PACRGL: variants seen among roughly 807,000 people sequenced by gnomAD.
The protein encoded by PACRGL is PACRG-like protein.
A neutral mutation model predicts 34.5 loss-of-function variants in PACRGL; 38 were observed. That is an observed-to-expected ratio of 1.10 (90% CI 0.85 to 1.44). The LOEUF (loss-of-function observed/expected upper bound fraction) is 1.44. PACRGL is among the 40% of genes most tolerant of loss of function. The probability of loss-of-function intolerance (pLI) is 0.00; values close to 1 mark genes in which losing one functional copy is unlikely to be tolerated. For synonymous variants in PACRGL, 128 were observed against 100.1 expected (o/e 1.28, Z -1.66); for missense variants, 305 against 281.4 (o/e 1.08, Z -0.60).
chr4:20,718,131 C>G lies in PACRGL; in HGVS notation c.609+4592C>G, dbSNP rs191892229. Reference sequence around the variant, plus strand: ...GGGAGTTCACTCATGATTTGGCTCTCTGTCTGTTATTGGTGTATAAGAATG... The same window carrying G: ...GGGAGTTCACTCATGATTTGGCTCTGTGTCTGTTATTGGTGTATAAGAATG... On this transcript the variant is annotated intron_variant, in intron 7 of 8. Transcript: ENST00000503585. 2.3e-3 allele frequency among the ~76,000 whole-genome samples: 353 copies of G among 151,590 alleles called. 8 individuals are homozygous for G. In the South Asian group the frequency reaches 0.047, roughly 20 times the overall value.
intron 7 of PACRGL, among the ~76,000 whole-genome samples, chr4:20,721,729 G>T (rs1369259540): frequency 6.6e-6 from 1 of 152,218 alleles, no homozygotes; most frequent in Non-Finnish European, 1.5e-5. Context: ...GTGTCAGTCT[G>T]CCCCTACTGG....
At chr4:20,752,954 T>A (rs573243943), downstream of PACRGL, 2 of 152,344 alleles carry the variant, frequency 1.3e-5, no homozygotes, top group South Asian at 2.1e-4. Flanking sequence ...TTAAAAGATA[T>A]AACAATGATC....
In PACRGL at chr4:20,729,772, G is replaced by A. The variant is rs986203126; in HGVS notation, c.*2431G>A. ...ACTGATATTTTAAAATCACTGATATGTGAAAGCCTCAATAATCCCATGGCT... is the reference window on the plus strand; with the variant it reads ...ACTGATATTTTAAAATCACTGATATATGAAAGCCTCAATAATCCCATGGCT... On this transcript the variant is annotated 3_prime_UTR_variant, in exon 9 of 9. Transcript: ENST00000503585. 4.0e-6 allele frequency: 1 copy of A among 252,882 alleles called. No homozygotes were observed. Among genetic ancestry groups the A allele is most frequent in the African/African-American group, 2.2e-5 (1 of 45,082 alleles). 15.7% of individuals were successfully genotyped at this position (252,882 alleles called of 1,614,324 possible). A position where few individuals can be genotyped will look rare whatever the true frequency, so the allele number is the denominator to read the frequency against.
In PACRGL at chr4:20,729,144, T is replaced by TAAAC. The variant is rs1747041075; in HGVS notation, c.*1805_*1808dup. ...GTCCCTGAATGGCTTGTAATATAAA[T>TAAAC]AAACATGCTGTAAGGAAGTCAGGGG... On this transcript the variant is annotated 3_prime_UTR_variant, in exon 9 of 9. Coordinates refer to ENST00000503585, the MANE Select transcript of PACRGL (RefSeq NM_001258345.3). 2 of 152,530 alleles carry TAAAC rather than the reference T, an allele frequency of 1.3e-5. No homozygotes were observed. Among genetic ancestry groups the TAAAC allele is most frequent in the Non-Finnish European group, 2.9e-5 (2 of 68,028 alleles). The allele number at this position is 152,530 out of a possible 1,614,324, so 9.4% of individuals were successfully genotyped here. A position where few individuals can be genotyped will look rare whatever the true frequency, so the allele number is the denominator to read the frequency against.
At position 20,731,712 on chromosome 4, in the gene PACRGL, G is replaced by A. The variant is rs546955418; in HGVS notation, c.*4371G>A. On this transcript the variant is annotated 3_prime_UTR_variant, in exon 9 of 9. Coordinates refer to ENST00000503585, the MANE Select transcript of PACRGL (RefSeq NM_001258345.3). Reference sequence around the variant, plus strand: ...TGGCAAAGAGCAATTCAAATCTCATGTATGTTTTATCCTCCATGAATACTC... The same window carrying A: ...TGGCAAAGAGCAATTCAAATCTCATATATGTTTTATCCTCCATGAATACTC... 2.0e-6 allele frequency: 2 copies of A among 985,172 alleles called. No individual in the cohort carries two copies. The highest frequency in any genetic ancestry group is 1.1e-4 in the East Asian group (1 of 8,814). The allele number at this position is 985,172 out of a possible 1,614,324, so 61.0% of individuals were successfully genotyped here.
intron 8 of PACRGL, 38 bp downstream of exon 8, chr4:20,724,926 C>G: frequency 9.8e-7 from 1 of 1,020,576 alleles, no homozygotes; most frequent in East Asian, 2.9e-5. Flanking sequence ...TTTTTTTTAA[C>G]TTTTAGGTGT....
At chr4:20,755,469 A>G (rs1754325014), downstream of PACRGL, among the ~76,000 whole-genome samples, 1 of 152,180 alleles carries the variant, frequency 6.6e-6, no homozygotes, top group African/African-American at 2.4e-5. Context: ...CATTCATGCA[A>G]AAAGCATTTA....
chr4:20,716,850 G>C (rs1000688386), intron 7 of PACRGL, among the ~76,000 whole-genome samples: 1 of 152,216 alleles, frequency 6.6e-6, no homozygotes, highest in Non-Finnish European at 1.5e-5. Context: ...TATATACCCA[G>C]TAATGGGATG....
chr4:20,701,749 T>TC (rs1453179048), intron 1 of PACRGL: 2 of 409,248 alleles, frequency 4.9e-6, no homozygotes, highest in South Asian at 3.4e-5. Context: ...ACTCCCTCCC[T>TC]CCCCCCAGTC....
chr4:20,721,326 G>A (rs1021449755), intron 7 of PACRGL, among the ~76,000 whole-genome samples: 10 of 152,196 alleles, frequency 6.6e-5, no homozygotes, highest in South Asian at 6.2e-4. Context: ...TTGTCACCTC[G>A]TCAAAGTCAT....
rs73240289 is a variant in PACRGL at position 20,712,373 on chromosome 4, G to A, written c.367-415G>A. Among the ~76,000 whole-genome samples, 758 of 148,692 alleles carry A rather than the reference G, an allele frequency of 5.1e-3. 9 individuals are homozygous for A. The highest frequency in any genetic ancestry group is 8.1e-3 in the Non-Finnish European group (545 of 67,520). On this transcript the variant is annotated intron_variant, in intron 5 of 8. Coordinates refer to ENST00000503585, the MANE Select transcript of PACRGL (RefSeq NM_001258345.3). ...CTAGGGTTTTAACTAGCTGCAGATC[G>A]AAACTATTAAAAAAAAATACAATGC...
the PACRGL span, among the ~76,000 whole-genome samples, chr4:20,759,255 G>A: frequency 2.0e-5 from 3 of 152,038 alleles, no homozygotes; most frequent in Non-Finnish European, 2.9e-5. Flanking sequence ...GTGAATCTTG[G>A]TTTTGTCCTT....
chr4:20,720,912 C>T (rs906915234), intron 7 of PACRGL, among the ~76,000 whole-genome samples: 49 of 152,316 alleles, frequency 3.2e-4, no homozygotes, highest in African/African-American at 1.1e-3. Context: ...TAATATCCTG[C>T]AGCGTGTTTT....
the PACRGL span, among the ~76,000 whole-genome samples, chr4:20,761,476 CCT>C: frequency 4.6e-5 from 7 of 152,096 alleles, no homozygotes; most frequent in African/African-American, 1.4e-4. Context: ...GCAGTTAGAC[CCT>C]CTCACACATG....
downstream of PACRGL, among the ~76,000 whole-genome samples, chr4:20,736,579 ACTT>A (rs1331135164): frequency 6.6e-6 from 1 of 152,062 alleles, no homozygotes; most frequent in East Asian, 1.9e-4. Flanking sequence ...TTATATGTTT[ACTT>A]TTTTCTAATT....
chr4:20,721,715 T>G (rs1743293992), intron 7 of PACRGL, among the ~76,000 whole-genome samples: 1 of 152,216 alleles, frequency 6.6e-6, no homozygotes, highest in African/African-American at 2.4e-5. Flanking sequence ...CTCGGCCGTG[T>G]GAGGTGTCAG....
intron 7 of PACRGL, among the ~76,000 whole-genome samples, chr4:20,715,162 C>T (rs1739256412): frequency 6.6e-6 from 1 of 152,168 alleles, no homozygotes; most frequent in South Asian, 2.1e-4. Flanking sequence ...TCTCAGTAAA[C>T]TGTCACAAGG....
intron 5 of PACRGL, among the ~76,000 whole-genome samples, chr4:20,710,042 AT>A (rs1164484034): frequency 6.6e-6 from 1 of 152,218 alleles, no homozygotes; most frequent in Non-Finnish European, 1.5e-5. Context: ...TTCAAAAAAA[AT>A]ATGTGGACTC....
At chr4:20,764,256 A>G in the PACRGL span, among the ~76,000 whole-genome samples, 1 of 152,228 alleles carries the variant, frequency 6.6e-6, no homozygotes, top group African/African-American at 2.4e-5. Flanking sequence ...GGTCATTTAT[A>G]TAAGCATATA....
Sources: gnomAD v4.1 joint callset for allele counts (sites outside exome capture counted in the v4.1 genomes callset) on GRCh38, gnomAD v4.1.1 for gene constraint, MANE v1.5 for transcripts, NCBI Gene and HGNC (gene_info 2026-07-23, HGNC 2026-07-21) for gene names.